ANPEP: variants seen among roughly 807,000 people sequenced by gnomAD.
ANPEP encodes the protein aminopeptidase N.
Under a neutral mutation model 114.6 loss-of-function variants are expected in ANPEP, and 70 were observed. The ratio of observed to expected loss-of-function variants is 0.61; its 90% CI spans 0.50 to 0.75. The LOEUF (loss-of-function observed/expected upper bound fraction) is 0.75. ANPEP is among the 30% of genes least tolerant of loss of function. ANPEP has a pLI of 0.00. For synonymous variants in ANPEP, 548 were observed against 522.3 expected (o/e 1.05, Z -0.67); for missense variants, 1,184 against 1,259.5 (o/e 0.94, Z 0.91).
chr15:89,792,904 G>T (rs971770016), intron 16 of ANPEP, 131 bp downstream of exon 16: 23 of 819,666 alleles, frequency 2.8e-5, no homozygotes, highest in Non-Finnish European at 4.5e-5. Context: ...GGACCTCCCT[G>T]CTCCTGGGTG....
Position 89,803,528 on chromosome 15 carries a change from C to T in ANPEP, c.1438-21G>A, listed in dbSNP as rs368829970. ...GCGCCCTGGGGTGGGGGTGAGGGGGCGCTCAGAAGGCTGTGCAGAGCCACC... is the reference window on the plus strand; with the variant it reads ...GCGCCCTGGGGTGGGGGTGAGGGGGTGCTCAGAAGGCTGTGCAGAGCCACC... On this transcript the variant is annotated intron_variant, in intron 8 of 20. Transcript: ENST00000300060. The surrounding 1 kb of genome is among the most constrained non-coding windows in gnomAD (Gnocchi z 4.2). 29 of 1,605,558 alleles carry T rather than the reference C, an allele frequency of 1.8e-5. No individual in the cohort carries two copies. The highest frequency in any genetic ancestry group is 6.7e-5 in the African/African-American group (5 of 74,826).
At chr15:89,791,820 C>T (rs1472880209) in intron 18 of ANPEP, among the ~76,000 whole-genome samples, 3 of 151,984 alleles carry the variant, frequency 2.0e-5, no homozygotes. Context: ...GGTGGGGACC[C>T]TCATCCAAGG....
At position 89,785,101 on chromosome 15, in the gene ANPEP, G is replaced by A; in HGVS notation, c.*248C>T. ...CCTGAGATCAGCCCCAGGGCACTGG[G>A]CGACAGGTGCCATGCCAGGCCTAGG... On this transcript the variant is annotated 3_prime_UTR_variant, in exon 21 of 21. Transcript: ENST00000300060. The A allele has an allele frequency of 4.1e-6, 2 of 486,096 alleles. No homozygotes were observed. Among genetic ancestry groups the A allele is most frequent in the Non-Finnish European group, 3.7e-6 (1 of 267,824 alleles). The allele number at this position is 486,096 out of a possible 1,614,324, so 30.1% of individuals were successfully genotyped here.
In ANPEP at chr15:89,801,386, C is replaced by T. The variant is rs536129149; in HGVS notation, c.1742+49G>A. On this transcript the variant is annotated intron_variant, in intron 11 of 20. Coordinates refer to ENST00000300060, the MANE Select transcript of ANPEP (RefSeq NM_001150.3). ...TCCTACTATGGTCCCTTAGTAACTG[C>T]CCTCTACCCCACCCACCTGACCATG... 4.4e-6 allele frequency: 7 copies of T among 1,602,694 alleles called. No individual in the cohort carries two copies. In the South Asian group the frequency reaches 6.7e-5, roughly 15 times the overall value.
At chr15:89,812,071 G>A (rs1159364121) in intron 1 of ANPEP, among the ~76,000 whole-genome samples, 1 of 152,180 alleles carries the variant, frequency 6.6e-6, no homozygotes, top group Non-Finnish European at 1.5e-5. Context: ...TGGGTGGGGA[G>A]AGGCTCCTTG....
chr15:89,804,702 G>T, intron 4 of ANPEP, 85 bp from the exon 5 acceptor site: 1 of 1,544,006 alleles, frequency 6.5e-7, no homozygotes, highest in Non-Finnish European at 8.7e-7. Context: ...CAGTGGGCTG[G>T]GGGGATCCCT....
rs900757974 is a variant in ANPEP, at chr15:89,799,703, G to A, written c.1820-144C>T. 1 of 1,252,216 alleles carries A rather than the reference G, an allele frequency of 8.0e-7. No homozygotes were observed. Among genetic ancestry groups the A allele is most frequent in the Non-Finnish European group, 1.1e-6 (1 of 899,116 alleles). 77.6% of individuals were successfully genotyped at this position (1,252,216 alleles called of 1,614,324 possible). On this transcript the variant is annotated intron_variant, in intron 12 of 20. Coordinates refer to ENST00000300060, the MANE Select transcript of ANPEP (RefSeq NM_001150.3). The surrounding 1 kb of genome is among the most constrained non-coding windows in gnomAD (Gnocchi z 4.2). Reference sequence around the variant, plus strand: ...GAGACGCTAAGGGTGGGGAAGGAAGGGATGAGGAACTGGGCTGCCAGTGGC... The same window carrying A: ...GAGACGCTAAGGGTGGGGAAGGAAGAGATGAGGAACTGGGCTGCCAGTGGC...
At chr15:89,794,343 G>T (rs1021800928) in intron 15 of ANPEP, among the ~76,000 whole-genome samples, 54 of 152,060 alleles carry the variant, frequency 3.6e-4, no homozygotes, top group African/African-American at 1.2e-3. Context: ...AATTAGCCAG[G>T]CATGGTGGCA....
intron 20 of ANPEP, among the ~76,000 whole-genome samples, chr15:89,789,047 T>C (rs1266318981): frequency 1.3e-5 from 2 of 151,856 alleles, no homozygotes; most frequent in East Asian, 1.9e-4. Context: ...TGGCACAATC[T>C]TGGTTCACTG....
chr15:89,799,114 G>T lies in ANPEP; in HGVS notation c.2009+146C>A, dbSNP rs180945667. 232 of 848,176 alleles carry T rather than the reference G, an allele frequency of 2.7e-4. No homozygotes were observed. The African/African-American group carries it at 3.4e-3, about 12-fold the overall frequency. The allele number at this position is 848,176 out of a possible 1,614,324, so 52.5% of individuals were successfully genotyped here. On this transcript the variant is annotated intron_variant, in intron 14 of 20. Coordinates refer to ENST00000300060, the MANE Select transcript of ANPEP (RefSeq NM_001150.3). This position sits in a 1 kb window ranked among gnomAD's most constrained non-coding sequence, Gnocchi z 4.2. ...GTGAAATGGGTGTGTGGGGACCCAGGGAGGGACGTCCAGGGAGCACAGGAG... is the reference window on the plus strand; with the variant it reads ...GTGAAATGGGTGTGTGGGGACCCAGTGAGGGACGTCCAGGGAGCACAGGAG...
chr15:89,793,531 T>C (rs923496999), intron 15 of ANPEP, among the ~76,000 whole-genome samples: 6 of 151,776 alleles, frequency 4.0e-5, no homozygotes, highest in Non-Finnish European at 8.8e-5. Context: ...TGAAACCACG[T>C]CTCTACTAAA....
Position 89,797,329 on chromosome 15 carries a change from A to AGCCTCCTCACTCACCTCCTCAGT in ANPEP, c.2157+223_2157+245dup, listed in dbSNP as rs1466703331. ...CGACCTTTATTGTTTTGCCCCACGCAGCCTCCTCACTCACCTCCTCAGTGC... is the reference window on the plus strand; with the variant it reads ...CGACCTTTATTGTTTTGCCCCACGCAGCCTCCTCACTCACCTCCTCAGTGCCTCCTCACTCACCTCCTCAGTGC... On this transcript the variant is annotated intron_variant, in intron 15 of 20. Transcript: ENST00000300060. 5 of 443,438 alleles carry AGCCTCCTCACTCACCTCCTCAGT rather than the reference A, an allele frequency of 1.1e-5. No individual in the cohort carries two copies. The East Asian group carries it at 1.5e-4, about 13-fold the overall frequency. 27.5% of individuals were successfully genotyped at this position (443,438 alleles called of 1,614,324 possible).
At position 89,810,269 on chromosome 15, in the gene ANPEP, C is replaced by T. The variant is rs560863313; in HGVS notation, c.-223-3463G>A. ...TAGCAGGTGCCCGTAATCCCAGCTA[C>T]TCAGGAGGCTGAGGCAGGAGAATCG... On this transcript the variant is annotated intron_variant, in intron 1 of 20. Coordinates refer to ENST00000300060, the MANE Select transcript of ANPEP (RefSeq NM_001150.3). Among the ~76,000 whole-genome samples the T allele has an allele frequency of 1.6e-4, 24 of 152,262 alleles. No homozygotes were observed. The South Asian group carries it at 4.1e-3, about 26-fold the overall frequency.
chr15:89,805,503 G>T (rs371974559), intron 2 of ANPEP, 40 bp from the exon 3 acceptor site: 4 of 1,610,174 alleles, frequency 2.5e-6, no homozygotes, highest in Admixed American at 1.7e-5. Flanking sequence ...CCAGAGCTGG[G>T]GGTGTGGGAG....
intron 15 of ANPEP, among the ~76,000 whole-genome samples, chr15:89,796,141 A>G (rs945334842): frequency 1.3e-5 from 2 of 152,178 alleles, no homozygotes; most frequent in South Asian, 2.1e-4. Flanking sequence ...CCTTGAGCCT[A>G]GGTATTTGAG....
In ANPEP at chr15:89,803,443, G is replaced by T. The variant is rs139342584; in HGVS notation, c.1502C>A (p.Ala501Glu). 2.5e-6 allele frequency: 4 copies of T among 1,604,576 alleles called. No homozygotes were observed. The East Asian group carries it at 9.0e-5, about 36-fold the overall frequency. ...LSEDVFKQGL[A>E]SYLHTFAYQN... ...GCTGGCCCAGGGTGCAGTACTCACC[G>T]CCAGGCCCTGCTTGAATACGTCCTC... Residue 501 changes from alanine (A) to glutamate (E), a missense_variant and splice_region_variant, in exon 9 of 21, where the codon GCG (alanine) becomes GAG (glutamate). Physicochemically the swap from Ala to Glu is moderately radical, Grantham distance 107. Transcript: ENST00000300060. The surrounding 1 kb of genome is among the most constrained non-coding windows in gnomAD (Gnocchi z 4.2).
At chr15:89,811,601 G>A (rs1311035456) in intron 1 of ANPEP, among the ~76,000 whole-genome samples, 3 of 150,596 alleles carry the variant, frequency 2.0e-5, no homozygotes, top group African/African-American at 2.4e-5. Flanking sequence ...GGCCGAAATC[G>A]TGCCACTGCA....
At position 89,805,955 on chromosome 15, in the gene ANPEP, C is replaced by G. The variant is rs748148047; in HGVS notation, c.614+15G>C. 1 of 1,571,678 alleles carries G rather than the reference C, an allele frequency of 6.4e-7. No homozygotes were observed. The highest frequency in any genetic ancestry group is 1.2e-5 in the South Asian group (1 of 83,900). ...CCTCGGATCCACCCCACCGGGCAGC[C>G]CAGCCGGAACTCACTTTCTGACATT... On this transcript the variant is annotated intron_variant, in intron 2 of 20. Transcript: ENST00000300060.
In ANPEP at chr15:89,806,778, C is replaced by T. The variant is rs868788350; in HGVS notation, c.-195G>A. 231 of 879,944 alleles carry T rather than the reference C, an allele frequency of 2.6e-4. 2 individuals carry two copies. In the South Asian group the frequency reaches 4.2e-3, roughly 16 times the overall value. The allele number at this position is 879,944 out of a possible 1,614,324, so 54.5% of individuals were successfully genotyped here. On this transcript the variant is annotated 5_prime_UTR_variant, in exon 2 of 21. Transcript: ENST00000300060. The surrounding 1 kb of genome is among the most constrained non-coding windows in gnomAD (Gnocchi z 5.7). Reference sequence around the variant, plus strand: ...CGCCTGGGGAGAGGAGATCCAGGAACGGTGTGTGGAGCTGGGCTCGGGGGG... The same window carrying T: ...CGCCTGGGGAGAGGAGATCCAGGAATGGTGTGTGGAGCTGGGCTCGGGGGG...
Sources: gnomAD v4.1 joint callset for allele counts (sites outside exome capture counted in the v4.1 genomes callset) on GRCh38, gnomAD v4.1.1 for gene constraint, Gnocchi (gnomAD v3.1) non-coding constraint, MANE v1.5 for transcripts, NCBI Gene and HGNC (gene_info 2026-07-23, HGNC 2026-07-21) for gene names.